The following NEMP2 variants were observed in gnomAD, a reference collection of about 807,000 sequenced individuals.
The protein encoded by NEMP2 is UPF0571 transmembrane protein.
Under a neutral mutation model 54.2 loss-of-function variants are expected in NEMP2, and 53 were observed. The ratio of observed to expected loss-of-function variants is 0.98; its 90% CI spans 0.78 to 1.23. The LOEUF (loss-of-function observed/expected upper bound fraction) is 1.23, where lower values mean the gene tolerates loss of function less well. NEMP2 is among the 50% of genes most tolerant of loss of function. The pLI is 0.00. For synonymous variants in NEMP2, 197 were observed against 190.3 expected, an observed-to-expected ratio of 1.04 and a Z score of -0.29; for missense variants, 455 against 511.3, an observed-to-expected ratio of 0.89 and a Z score of 1.06.
downstream of NEMP2, among the ~76,000 whole-genome samples, chr2:190,502,992 A>C (rs527693581): frequency 2.0e-5 from 3 of 152,344 alleles, no homozygotes; most frequent in Admixed American, 6.5e-5. This position sits in a 1 kb window ranked among gnomAD's most constrained non-coding sequence, Gnocchi z 4.4. Context: ...CCACCCCAGG[A>C]GGCAGGGAGG....
chr2:190,534,474 G>T, intron 1 of NEMP2, 85 bp downstream of exon 1: 1 of 1,276,838 alleles, frequency 7.8e-7, no homozygotes, highest in South Asian at 2.6e-5. Context: ...GGTGCCGCCC[G>T]GGCCAAAGAG....
At chr2:190,578,906 T>C in the NEMP2 span, among the ~76,000 whole-genome samples, 1 of 152,200 alleles carries the variant, frequency 6.6e-6, no homozygotes, top group African/African-American at 2.4e-5. The surrounding 1 kb of genome is among the most constrained non-coding windows in gnomAD (Gnocchi z 4.4). Flanking sequence ...CACAGTGGAT[T>C]CTGGCCTCTG....
At chr2:190,497,696 G>C in the NEMP2 span, 6 of 1,613,970 alleles carry the variant, frequency 3.7e-6, no homozygotes, top group Non-Finnish European at 5.1e-6. The surrounding 1 kb of genome is among the most constrained non-coding windows in gnomAD (Gnocchi z 5.2). Context: ...AGACAACCGT[G>C]CTTCTGAGAT....
Position 190,522,009 on chromosome 2 carries a change from A to C in NEMP2, c.214-2826T>G, listed in dbSNP as rs950764887. On this transcript the variant is annotated intron_variant, in intron 2 of 8. Transcript: ENST00000409150. This position sits in a 1 kb window ranked among gnomAD's most constrained non-coding sequence, Gnocchi z 5.0. ...ATGCATCGCTAATTACTTTGCAAAA[A>C]AAGACACAGGAAAGATATACCAGAA... is the stretch of plus-strand genomic sequence containing the variant. Among the ~76,000 whole-genome samples, 18 of 152,194 alleles carry C rather than the reference A, an allele frequency of 1.2e-4. No homozygotes were observed. The highest frequency in any genetic ancestry group is 1.8e-4 in the Non-Finnish European group (12 of 68,028).
At chr2:190,593,800 T>C in the NEMP2 span, among the ~76,000 whole-genome samples, 2 of 152,202 alleles carry the variant, frequency 1.3e-5, no homozygotes, top group Non-Finnish European at 2.9e-5. This position sits in a 1 kb window ranked among gnomAD's most constrained non-coding sequence, Gnocchi z 4.5. Flanking sequence ...TTTTCCAATT[T>C]TAAAGTTTTT....
At chr2:190,630,289 C>T in the NEMP2 span, among the ~76,000 whole-genome samples, 3 of 152,188 alleles carry the variant, frequency 2.0e-5, no homozygotes, top group Non-Finnish European at 2.9e-5. This position sits in a 1 kb window ranked among gnomAD's most constrained non-coding sequence, Gnocchi z 5.5. Context: ...GCAATCTCGT[C>T]TCACTGCAAC....
rs1476064824 is a variant in NEMP2, at chr2:190,521,944, CTCA to C, written c.214-2764_214-2762del. Among the ~76,000 whole-genome samples the C allele has an allele frequency of 2.0e-5, 3 of 152,108 alleles. No homozygotes were observed. The highest frequency in any genetic ancestry group is 7.2e-5 in the African/African-American group (3 of 41,402). ...GGTCCTCTTCTCTTCTCCATCTAAA[CTCA>C]CTCAGTTTCATGGCTTTAGGCACCA... On this transcript the variant is annotated intron_variant, in intron 2 of 8. Transcript: ENST00000409150. The surrounding 1 kb of genome is among the most constrained non-coding windows in gnomAD (Gnocchi z 6.2).
the NEMP2 span, among the ~76,000 whole-genome samples, chr2:190,553,774 G>A: frequency 8.5e-5 from 13 of 152,160 alleles, no homozygotes; most frequent in East Asian, 1.9e-4. Context: ...TGAGTGCTCC[G>A]AGAGGCAGAG....
chr2:190,601,191 AC>A, the NEMP2 span, among the ~76,000 whole-genome samples: 2 of 152,148 alleles, frequency 1.3e-5, no homozygotes, highest in Admixed American at 6.5e-5. The surrounding 1 kb of genome is among the most constrained non-coding windows in gnomAD (Gnocchi z 5.8). Context: ...GGAGACAGTC[AC>A]ATATACAGAG....
the NEMP2 span, among the ~76,000 whole-genome samples, chr2:190,458,069 C>T: frequency 6.6e-6 from 1 of 152,208 alleles, no homozygotes; most frequent in African/African-American, 2.4e-5. The surrounding 1 kb of genome is among the most constrained non-coding windows in gnomAD (Gnocchi z 5.3). Flanking sequence ...CGGTGTCACA[C>T]ACTCTGTTGC....
the NEMP2 span, among the ~76,000 whole-genome samples, chr2:190,572,861 ATATATATATATATATG>A: frequency 2.3e-5 from 3 of 129,586 alleles, no homozygotes; most frequent in African/African-American, 8.9e-5. Context: ...ATATATATAT[ATATATATATATATATG>A]TATATATTTT....
In NEMP2 at chr2:190,521,432, G is replaced by A. The variant is rs7584794; in HGVS notation, c.214-2249C>T. ...GACTTGGGCACGGGATCCTATCCAC[G>A]TTTGCCTACTCAAGGACATCCCAGC... On this transcript the variant is annotated intron_variant, in intron 2 of 8. Transcript: ENST00000409150. This position sits in a 1 kb window ranked among gnomAD's most constrained non-coding sequence, Gnocchi z 6.2. Among the ~76,000 whole-genome samples, 80,563 of 151,936 alleles carry A rather than the reference G, an allele frequency of 0.53. 22,735 individuals are homozygous for A. Among genetic ancestry groups the A allele is most frequent in the Admixed American group, 0.63 (9,693 of 15,270 alleles).
At chr2:190,563,623 G>A in the NEMP2 span, among the ~76,000 whole-genome samples, 5 of 152,198 alleles carry the variant, frequency 3.3e-5, no homozygotes, top group African/African-American at 1.2e-4. The surrounding 1 kb of genome is among the most constrained non-coding windows in gnomAD (Gnocchi z 4.3). Flanking sequence ...TTTGAGCATT[G>A]TAACTTGTTT....
chr2:190,559,171 G>A, the NEMP2 span, among the ~76,000 whole-genome samples: 150,006 of 152,310 alleles, frequency 0.98, 73,880 homozygotes, highest in East Asian at 1. This position sits in a 1 kb window ranked among gnomAD's most constrained non-coding sequence, Gnocchi z 4.0. Context: ...TTGGTTACCA[G>A]TTATCCATGA....
chr2:190,567,665 A>G, the NEMP2 span, among the ~76,000 whole-genome samples: 1 of 152,084 alleles, frequency 6.6e-6, no homozygotes, highest in Non-Finnish European at 1.5e-5. This position sits in a 1 kb window ranked among gnomAD's most constrained non-coding sequence, Gnocchi z 4.0. Flanking sequence ...TTATTTATTT[A>G]TTGAGATGGA....
chr2:190,586,920 T>G, the NEMP2 span, among the ~76,000 whole-genome samples: 10 of 152,180 alleles, frequency 6.6e-5, no homozygotes, highest in South Asian at 8.3e-4. The surrounding 1 kb of genome is among the most constrained non-coding windows in gnomAD (Gnocchi z 4.5). Flanking sequence ...AGGTAGAAAT[T>G]TTCGGGTTCT....
At position 190,504,413 on chromosome 2, in the gene NEMP2, C is replaced by T. The variant is rs953587546; in HGVS notation, c.*4776G>A. On this transcript the variant is annotated 3_prime_UTR_variant, in exon 9 of 9. Coordinates refer to ENST00000409150, the MANE Select transcript of NEMP2 (RefSeq NM_001142645.2). This position sits in a 1 kb window ranked among gnomAD's most constrained non-coding sequence, Gnocchi z 5.6. ...TCCCAATCTACAGTGCCATACTATA[C>T]ATATTTACCTATATCTAGTAAGCTG... The T allele has an allele frequency of 3.9e-5, 6 of 152,002 alleles. No individual in the cohort carries two copies. The East Asian group carries it at 1.2e-3, about 29-fold the overall frequency. The allele number at this position is 152,002 out of a possible 1,614,324, so 9.4% of individuals were successfully genotyped here. A position where few individuals can be genotyped will look rare whatever the true frequency, so the allele number is the denominator to read the frequency against.
At chr2:190,551,616 A>G in the NEMP2 span, among the ~76,000 whole-genome samples, 10 of 152,178 alleles carry the variant, frequency 6.6e-5, no homozygotes, top group African/African-American at 2.4e-4. Flanking sequence ...ATAGAAAGTT[A>G]TAGTTTAGAT....
At chr2:190,532,874 G>A (rs532683417) in intron 1 of NEMP2, among the ~76,000 whole-genome samples, 24 of 152,270 alleles carry the variant, frequency 1.6e-4, no homozygotes, top group Admixed American at 1.4e-3. Flanking sequence ...AAAGCCTACC[G>A]GAATGGCAGG....
Sources: gnomAD v4.1 joint callset for allele counts (sites outside exome capture counted in the v4.1 genomes callset) on GRCh38, gnomAD v4.1.1 for gene constraint, Gnocchi (gnomAD v3.1) non-coding constraint, MANE v1.5 for transcripts, NCBI Gene and HGNC (gene_info 2026-07-23, HGNC 2026-07-21) for gene names.